PTPRO: variants seen among roughly 807,000 people sequenced by gnomAD.
The protein encoded by PTPRO is receptor-type tyrosine-protein phosphatase O.
In PTPRO, 62 loss-of-function variants were observed where a neutral mutation model predicts 145.2. That is an observed-to-expected ratio of 0.43 (90% CI 0.35 to 0.53). The LOEUF (loss-of-function observed/expected upper bound fraction) is 0.53, where lower values mean the gene tolerates loss of function less well. Ranked by LOEUF, PTPRO falls within the 20% of genes least tolerant of loss-of-function variation. The pLI, the probability that PTPRO is intolerant of heterozygous loss-of-function variation, is 0.01. For synonymous variants in PTPRO, 565 were observed against 514.7 expected (o/e 1.10, Z -1.32); for missense variants, 1,345 against 1,482.7 (o/e 0.91, Z 1.53).
At chr12:15,368,793 G>T (rs905849667) in intron 1 of PTPRO, among the ~76,000 whole-genome samples, 1 of 152,072 alleles carries the variant, frequency 6.6e-6, no homozygotes, top group African/African-American at 2.4e-5. Flanking sequence ...CATAATTCCT[G>T]TTTACGGCTG....
Position 15,497,340 on chromosome 12 carries a change from G to C in PTPRO, c.445G>C (p.Val149Leu). Residue 149 changes from valine (V) to leucine (L), a missense_variant, in exon 3 of 27, where the codon GTT becomes CTT. Val to Leu is a conservative substitution (Grantham distance 32, BLOSUM62 1). Around this residue, in one of 3 missense-constraint regions of PTPRO, gnomAD observed 1,130 missense variants for 1,214.7 expected, o/e 0.93. Coordinates refer to ENST00000281171, the MANE Select transcript of PTPRO (RefSeq NM_030667.3). ...AATACATTATCCAGAAAAATATAAC[G>C]TTTTCACAAGAGTGAACATTAGCTA... ...FEIHYPEKYN[V>L]FTRVNISYWE... is the part of the protein sequence containing the mutation. 1 of 1,611,440 alleles carries C rather than the reference G, an allele frequency of 6.2e-7. No individual in the cohort carries two copies. Among genetic ancestry groups the C allele is most frequent in the Non-Finnish European group, 8.5e-7 (1 of 1,177,940 alleles).
chr12:15,447,767 A>G (rs572696601), intron 1 of PTPRO, among the ~76,000 whole-genome samples: 1 of 152,124 alleles, frequency 6.6e-6, no homozygotes, highest in Non-Finnish European at 1.5e-5. Context: ...TTTGAACAAA[A>G]AGGACAATTA....
intron 4 of PTPRO, among the ~76,000 whole-genome samples, chr12:15,500,757 A>C (rs1384477829): frequency 6.6e-6 from 1 of 152,062 alleles, no homozygotes; most frequent in African/African-American, 2.4e-5. Context: ...CCCCATCTCT[A>C]CTAAGAATAC....
intron 1 of PTPRO, among the ~76,000 whole-genome samples, chr12:15,333,732 G>A (rs1239077352): frequency 1.3e-5 from 2 of 152,126 alleles, no homozygotes; most frequent in East Asian, 3.9e-4. Flanking sequence ...CTGGTGGAGG[G>A]AATAGAGGTT....
chr12:15,331,966 T>C (rs796558610), intron 1 of PTPRO, among the ~76,000 whole-genome samples: 23 of 141,840 alleles, frequency 1.6e-4, no homozygotes, highest in East Asian at 3.9e-4. Context: ...TTCTTTCTTT[T>C]TTTTTTTTTT....
At chr12:15,555,153 G>T (rs866044155) in intron 15 of PTPRO, among the ~76,000 whole-genome samples, 1 of 152,082 alleles carries the variant, frequency 6.6e-6, no homozygotes, top group Non-Finnish European at 1.5e-5. Context: ...CAGAAGAATC[G>T]CTTGGACTTG....
chr12:15,467,503 G>A (rs1029708580), intron 1 of PTPRO, among the ~76,000 whole-genome samples: 2 of 151,788 alleles, frequency 1.3e-5, no homozygotes, highest in African/African-American at 2.4e-5. Context: ...TCAGTGCTAA[G>A]GGATATGCCT....
At chr12:15,410,528 G>A (rs1939770690) in intron 1 of PTPRO, 1 of 152,180 alleles carries the variant, frequency 6.6e-6, no homozygotes, top group African/African-American at 2.4e-5. Flanking sequence ...CTACACCATT[G>A]ACCCTCTAGC....
chr12:15,400,289 G>A (rs1056585742), intron 1 of PTPRO, among the ~76,000 whole-genome samples: 1 of 151,672 alleles, frequency 6.6e-6, no homozygotes, highest in Non-Finnish European at 1.5e-5. Flanking sequence ...CTGTGCCAAT[G>A]TGCCCCATTT....
chr12:15,529,419 A>G (rs1174755225), intron 12 of PTPRO, among the ~76,000 whole-genome samples: 1 of 151,648 alleles, frequency 6.6e-6, no homozygotes, highest in Non-Finnish European at 1.5e-5. Flanking sequence ...TTGGGAGGTC[A>G]AGGTTGGTGA....
chr12:15,525,098 A>C, intron 11 of PTPRO, 133 bp downstream of exon 11: 1 of 1,106,338 alleles, frequency 9.0e-7, no homozygotes, highest in Admixed American at 2.0e-5. Flanking sequence ...TCTGGAGATA[A>C]GACAGTGAAC....
intron 23 of PTPRO, among the ~76,000 whole-genome samples, chr12:15,582,648 T>G (rs1241486296): frequency 6.6e-6 from 1 of 152,246 alleles, no homozygotes; most frequent in Non-Finnish European, 1.5e-5. Flanking sequence ...AATTGGGGTA[T>G]ATAAGGCACA....
At chr12:15,463,991 T>C (rs542973696) in intron 1 of PTPRO, among the ~76,000 whole-genome samples, 11 of 152,336 alleles carry the variant, frequency 7.2e-5, no homozygotes, top group African/African-American at 2.6e-4. Flanking sequence ...TAAAGTACTA[T>C]GCTGTATACT....
chr12:15,470,241 C>T (rs1465953729), intron 1 of PTPRO, among the ~76,000 whole-genome samples: 1 of 152,220 alleles, frequency 6.6e-6, no homozygotes, highest in East Asian at 1.9e-4. Context: ...GACTGTAGTA[C>T]AATAGAGTCA....
chr12:15,384,020 A>C (rs1938945477), intron 1 of PTPRO, among the ~76,000 whole-genome samples: 1 of 152,084 alleles, frequency 6.6e-6, no homozygotes, highest in Admixed American at 6.6e-5. Context: ...TTCCACACAG[A>C]GTCTGTTTTT....
chr12:15,409,522 C>T (rs1467048539), intron 1 of PTPRO, among the ~76,000 whole-genome samples: 1 of 152,126 alleles, frequency 6.6e-6, no homozygotes. Context: ...CTCTCCCTGT[C>T]TATTAGGCTA....
At chr12:15,432,536 G>A (rs933522491) in intron 1 of PTPRO, among the ~76,000 whole-genome samples, 18 of 152,184 alleles carry the variant, frequency 1.2e-4, no homozygotes, top group African/African-American at 4.3e-4. Flanking sequence ...GGATTGTGGA[G>A]TCAAGTGGTA....
chr12:15,544,235 T>C (rs1943234333), intron 12 of PTPRO, among the ~76,000 whole-genome samples: 1 of 152,070 alleles, frequency 6.6e-6, no homozygotes, highest in South Asian at 2.1e-4. Context: ...TGGTGGCTCA[T>C]GCCTATAATC....
intron 1 of PTPRO, among the ~76,000 whole-genome samples, chr12:15,441,456 A>G (rs1940762201): frequency 1.3e-5 from 2 of 152,198 alleles, no homozygotes; most frequent in Non-Finnish European, 2.9e-5. Flanking sequence ...CTAGAAAAAC[A>G]AGAACAAACT....
Sources: allele counts gnomAD v4.1 joint callset (sites outside exome capture counted in the v4.1 genomes callset), GRCh38; gene constraint gnomAD v4.1.1; regional missense constraint gnomAD v4.1.1; transcripts MANE v1.5; gene names NCBI Gene and HGNC (gene_info 2026-07-23, HGNC 2026-07-21).